The following AFF3 variants were observed in gnomAD, a reference collection of about 807,000 sequenced individuals.
The protein encoded by AFF3 is ALF transcription elongation factor 3.
AFF3 carries 32 observed loss-of-function variants against 129.7 expected under a neutral mutation model. That is an observed-to-expected ratio of 0.25 (90% CI 0.19 to 0.33). AFF3 has a LOEUF of 0.33. AFF3 is among the 10% of genes least tolerant of loss of function. AFF3 has a pLI of 1.00. For missense variants in AFF3, 1,373 were observed against 1,592.0 expected, an observed-to-expected ratio of 0.86 and a Z score of 2.34; for synonymous variants, 644 against 635.4, an observed-to-expected ratio of 1.01 and a Z score of -0.20.
intron 7 of AFF3, among the ~76,000 whole-genome samples, chr2:99,858,113 AG>A (rs893336822): frequency 6.6e-6 from 1 of 152,174 alleles, no homozygotes; most frequent in Non-Finnish European, 1.5e-5. Flanking sequence ...CATCATGAAA[AG>A]GACATGCCCC....
rs549507886 is a variant in AFF3 at position 99,574,449 on chromosome 2, C to T, written c.2918+3878G>A. Among the ~76,000 whole-genome samples, 23 of 152,242 alleles carry T rather than the reference C, an allele frequency of 1.5e-4. No homozygotes were observed. The South Asian group carries it at 3.1e-3, about 21-fold the overall frequency. ...GATTACAGGCACATGCTAACACGCC[C>T]GGCTGATTTTTTGGTAAGTAACCTA... On this transcript the variant is annotated intron_variant, in intron 18 of 24. Coordinates refer to ENST00000672756, the MANE Select transcript of AFF3 (RefSeq NM_001386135.1).
chr2:99,971,001 T>C (rs952206623), intron 7 of AFF3, among the ~76,000 whole-genome samples: 5 of 152,180 alleles, frequency 3.3e-5, no homozygotes, highest in South Asian at 2.1e-4. Flanking sequence ...CAGAGGGTGG[T>C]TGGAATAATG....
At chr2:99,676,991 G>A (rs910669543) in intron 11 of AFF3, among the ~76,000 whole-genome samples, 1 of 152,198 alleles carries the variant, frequency 6.6e-6, no homozygotes, top group African/African-American at 2.4e-5. Context: ...CTTTTTGGCT[G>A]CACGCGGTGG....
intron 2 of AFF3, among the ~76,000 whole-genome samples, chr2:100,112,739 G>C (rs1691563965): frequency 6.6e-6 from 1 of 152,136 alleles, no homozygotes; most frequent in African/African-American, 2.4e-5. Context: ...TAGAAAGCAG[G>C]AGCCCAAGGT....
At chr2:99,560,313 A>G (rs13008878) in intron 21 of AFF3, 52 bp downstream of exon 21, 260,963 of 1,584,394 alleles carry the variant, frequency 0.16, 23,783 homozygotes, top group East Asian at 0.28. Context: ...TGGTTTGCCA[A>G]TGATGGCATG....
intron 4 of AFF3, among the ~76,000 whole-genome samples, chr2:100,041,447 G>T (rs372080570): frequency 2.6e-5 from 4 of 152,146 alleles, no homozygotes; most frequent in East Asian, 3.8e-4. Flanking sequence ...AGCTGAGCTA[G>T]AGTTTATGCT....
At position 99,838,781 on chromosome 2, in the gene AFF3, G is replaced by A. The variant is rs372941319; in HGVS notation, c.874-1257C>T. Among the ~76,000 whole-genome samples, 13 of 152,300 alleles carry A rather than the reference G, an allele frequency of 8.5e-5. 1 individual carries two copies. In the South Asian group the frequency reaches 1.7e-3, roughly 19 times the overall value. ...ATGAGTTTACTTCCTGCAGTTCTGA[G>A]GGGCATGAGGCTCATCAGAATCAGC... On this transcript the variant is annotated intron_variant, in intron 7 of 24. Transcript: ENST00000672756.
rs573178821 is a variant in AFF3 at position 99,591,772 on chromosome 2, C to T, written c.2466+1423G>A. On this transcript the variant is annotated intron_variant, in intron 15 of 24. Transcript: ENST00000672756. Reference sequence around the variant, plus strand: ...ACCTCAGACTGATTTCTTATTGTGACGCTCTGAAGCCAGACAGCCTGGGTT... The same window carrying T: ...ACCTCAGACTGATTTCTTATTGTGATGCTCTGAAGCCAGACAGCCTGGGTT... Among the ~76,000 whole-genome samples, 29 of 152,286 alleles carry T rather than the reference C, an allele frequency of 1.9e-4. 1 individual carries two copies. The South Asian group carries it at 3.1e-3, about 16-fold the overall frequency.
chr2:99,608,428 G>A (rs1290677932), intron 13 of AFF3, among the ~76,000 whole-genome samples: 1 of 152,172 alleles, frequency 6.6e-6, no homozygotes, highest in Non-Finnish European at 1.5e-5. Flanking sequence ...ATTTATCCAT[G>A]CAATGTATTT....
At chr2:99,840,538 T>C (rs537019584) in intron 7 of AFF3, among the ~76,000 whole-genome samples, 64 of 152,100 alleles carry the variant, frequency 4.2e-4, no homozygotes, top group Non-Finnish European at 8.1e-4. Context: ...CCAAGAAAAA[T>C]AGTGTTCAAT....
rs139061036 is a variant in AFF3, at chr2:100,008,683, T to C, written c.174+129A>G. On this transcript the variant is annotated intron_variant, in intron 5 of 24. Coordinates refer to ENST00000672756, the MANE Select transcript of AFF3 (RefSeq NM_001386135.1). Reference sequence around the variant, plus strand: ...GACCCCGTACTTGGTGGCTGAGCTGTCTTCCCTGGGCTGAACAGACAGAAG... The same window carrying C: ...GACCCCGTACTTGGTGGCTGAGCTGCCTTCCCTGGGCTGAACAGACAGAAG... The C allele has an allele frequency of 5.6e-4, 672 of 1,192,238 alleles. 3 individuals carry two copies. The African/African-American group carries it at 8.8e-3, about 16-fold the overall frequency. The allele number at this position is 1,192,238 out of a possible 1,614,324, so 73.9% of individuals were successfully genotyped here. A position where few individuals can be genotyped will look rare whatever the true frequency, so the allele number is the denominator to read the frequency against.
chr2:99,681,361 G>A (rs187942204), intron 11 of AFF3, among the ~76,000 whole-genome samples: 1 of 152,322 alleles, frequency 6.6e-6, no homozygotes, highest in African/African-American at 2.4e-5. Context: ...CATTACCTGG[G>A]ATGTTTTGAA....
At chr2:99,623,379 A>G (rs967519532) in intron 13 of AFF3, among the ~76,000 whole-genome samples, 1 of 152,124 alleles carries the variant, frequency 6.6e-6, no homozygotes, top group Non-Finnish European at 1.5e-5. Flanking sequence ...AAGGCATTTT[A>G]ATTTGCTACT....
intron 11 of AFF3, among the ~76,000 whole-genome samples, chr2:99,674,808 C>T (rs1345695880): frequency 2.6e-5 from 4 of 152,206 alleles, no homozygotes; most frequent in East Asian, 3.9e-4. Context: ...GGGTTGGCTG[C>T]AAACTAGCCG....
intron 7 of AFF3, among the ~76,000 whole-genome samples, chr2:99,965,545 G>C (rs2104371159): frequency 6.6e-6 from 1 of 152,312 alleles, no homozygotes; most frequent in East Asian, 1.9e-4. Context: ...ACACAGGTCT[G>C]CCTTTGCTTT....
intron 4 of AFF3, among the ~76,000 whole-genome samples, chr2:100,044,715 C>T (rs1181251237): frequency 1.3e-5 from 2 of 152,092 alleles, no homozygotes; most frequent in Non-Finnish European, 2.9e-5. Context: ...CCAGGTTAAC[C>T]TCTGAGATTT....
intron 4 of AFF3, among the ~76,000 whole-genome samples, chr2:100,024,366 G>A (rs1175392878): frequency 6.6e-6 from 1 of 151,882 alleles, no homozygotes; most frequent in African/African-American, 2.4e-5. Context: ...CCTGAGGTCG[G>A]GAGTTCGAGA....
At chr2:99,758,323 T>G (rs971767352) in intron 8 of AFF3, among the ~76,000 whole-genome samples, 2 of 152,204 alleles carry the variant, frequency 1.3e-5, no homozygotes, top group Admixed American at 1.3e-4. Flanking sequence ...GGCTCATGCC[T>G]GTAATCCCAG....
At chr2:99,899,455 C>T (rs754417454) in intron 7 of AFF3, among the ~76,000 whole-genome samples, 1 of 152,164 alleles carries the variant, frequency 6.6e-6, no homozygotes, top group Non-Finnish European at 1.5e-5. Flanking sequence ...ATTGATTTGG[C>T]CACTGAAGTG....
Sources: gnomAD v4.1 joint callset for allele counts (sites outside exome capture counted in the v4.1 genomes callset) on GRCh38, gnomAD v4.1.1 for gene constraint, MANE v1.5 for transcripts, NCBI Gene and HGNC (gene_info 2026-07-23, HGNC 2026-07-21) for gene names.